The following ITGA8 variants were observed in gnomAD, a reference collection of about 807,000 sequenced individuals.
The protein encoded by ITGA8 is integrin subunit alpha 8.
ITGA8 carries 91 observed loss-of-function variants against 142.3 expected under a neutral mutation model. That is an observed-to-expected ratio of 0.64 (90% CI 0.54 to 0.76). The LOEUF is 0.76. Ranked by LOEUF, ITGA8 falls within the 30% of genes least tolerant of loss-of-function variation. The pLI, the probability that ITGA8 is intolerant of heterozygous loss-of-function variation, is 0.00. For synonymous variants in ITGA8, 505 were observed against 485.2 expected, an observed-to-expected ratio of 1.04 and a Z score of -0.54; for missense variants, 1,406 against 1,327.7, an observed-to-expected ratio of 1.06 and a Z score of -0.92.
rs1173065215 is a variant in ITGA8, at chr10:15,516,469, GA to G, written c.*688del. 45 of 152,188 alleles carry G rather than the reference GA, an allele frequency of 3.0e-4. No homozygotes were observed. The highest frequency in any genetic ancestry group is 1.1e-3 in the African/African-American group (45 of 41,446). 9.4% of individuals were successfully genotyped at this position (152,188 alleles called of 1,614,324 possible). A position where few individuals can be genotyped will look rare whatever the true frequency, so the allele number is the denominator to read the frequency against. The stretch of plus-strand genomic sequence containing the variant: ...GTTATCTGCACACAGTGGTTCTTAG[GA>G]GGAAACTGAGTGAGTGATTTTGAAA... On this transcript the variant is annotated 3_prime_UTR_variant, in exon 30 of 30. Coordinates refer to ENST00000378076, the MANE Select transcript of ITGA8 (RefSeq NM_003638.3).
At chr10:15,565,763 T>C (rs1163813899) in intron 25 of ITGA8, among the ~76,000 whole-genome samples, 4 of 151,744 alleles carry the variant, frequency 2.6e-5, no homozygotes, top group South Asian at 2.1e-4. Flanking sequence ...CTAATTTTTG[T>C]ACTTTTAGCA....
In ITGA8 at chr10:15,514,563, C is replaced by T. The variant is rs1466400772; in HGVS notation, c.*2595G>A. 6.6e-6 allele frequency: 1 copy of T among 152,076 alleles called. No individual in the cohort carries two copies. Among genetic ancestry groups the T allele is most frequent in the African/African-American group, 2.4e-5 (1 of 41,388 alleles). 9.4% of individuals were successfully genotyped at this position (152,076 alleles called of 1,614,324 possible). A position where few individuals can be genotyped will look rare whatever the true frequency, so the allele number is the denominator to read the frequency against. On this transcript the variant is annotated 3_prime_UTR_variant, in exon 30 of 30. Coordinates refer to ENST00000378076, the MANE Select transcript of ITGA8 (RefSeq NM_003638.3). ...GATTACAGGAGACTGCCACCACGCC[C>T]AGCTAATTTTTGTATTTTTAGTAGA...
intron 28 of ITGA8, among the ~76,000 whole-genome samples, chr10:15,523,505 C>G (rs1019745218): frequency 6.6e-6 from 1 of 152,090 alleles, no homozygotes; most frequent in African/African-American, 2.4e-5. Flanking sequence ...GGAAGATGAC[C>G]CCCTGCAGTG....
chr10:15,583,892 T>A (rs757992441), intron 23 of ITGA8, among the ~76,000 whole-genome samples: 1 of 152,210 alleles, frequency 6.6e-6, no homozygotes, highest in African/African-American at 2.4e-5. Context: ...CCATAAACTG[T>A]TGAAAGATAT....
At chr10:15,533,079 C>T (rs1035274762) in intron 27 of ITGA8, among the ~76,000 whole-genome samples, 3 of 152,144 alleles carry the variant, frequency 2.0e-5, no homozygotes, top group African/African-American at 7.2e-5. Flanking sequence ...TAAAAATCTA[C>T]CAGTACATCA....
At chr10:15,639,802 C>T (rs1833838293) in intron 13 of ITGA8, among the ~76,000 whole-genome samples, 1 of 152,184 alleles carries the variant, frequency 6.6e-6, no homozygotes, top group Admixed American at 6.5e-5. Context: ...GGAGGGTGGC[C>T]TGAACATTCG....
chr10:15,669,675 G>A (rs1020120348), intron 8 of ITGA8, among the ~76,000 whole-genome samples: 3 of 152,096 alleles, frequency 2.0e-5, no homozygotes, highest in East Asian at 1.9e-4. Context: ...TGATGGTGAC[G>A]TACAGATGGG....
At position 15,604,371 on chromosome 10, in the gene ITGA8, A is replaced by G. The variant is rs1457071423; in HGVS notation, c.1971-16T>C. 2.5e-6 allele frequency: 4 copies of G among 1,597,378 alleles called. No individual in the cohort carries two copies. In the African/African-American group the frequency reaches 5.4e-5, roughly 22 times the overall value. Reference sequence around the variant, plus strand: ...ATGCTTATCTCTAAAAATGCAGTTTAAAAAGAAGGATTAGGTACTCTACTT... The same window carrying G: ...ATGCTTATCTCTAAAAATGCAGTTTGAAAAGAAGGATTAGGTACTCTACTT... On this transcript the variant is annotated splice_polypyrimidine_tract_variant and intron_variant, in intron 19 of 29. Coordinates refer to ENST00000378076, the MANE Select transcript of ITGA8 (RefSeq NM_003638.3).
intron 27 of ITGA8, among the ~76,000 whole-genome samples, chr10:15,545,077 G>A (rs1167757366): frequency 6.6e-6 from 1 of 152,204 alleles, no homozygotes; most frequent in African/African-American, 2.4e-5. Flanking sequence ...CTGACTCAGA[G>A]TGACAGGATG....
chr10:15,528,748 G>T (rs1408612509), intron 28 of ITGA8, among the ~76,000 whole-genome samples: 3 of 152,226 alleles, frequency 2.0e-5, no homozygotes, highest in Middle Eastern at 3.4e-3. Flanking sequence ...ATAAGCCTTT[G>T]AACATTTTTA....
intron 24 of ITGA8, among the ~76,000 whole-genome samples, chr10:15,573,467 CTG>C (rs1214789641): frequency 1.3e-5 from 2 of 150,580 alleles, no homozygotes; most frequent in Non-Finnish European, 2.9e-5. Flanking sequence ...GCCTTGGTGA[CTG>C]TGTTATCCTT....
intron 4 of ITGA8, among the ~76,000 whole-genome samples, chr10:15,679,996 A>G (rs534142789): frequency 2.0e-5 from 3 of 152,314 alleles, no homozygotes; most frequent in South Asian, 2.1e-4. Context: ...TTTCTTTCTT[A>G]TCAAGGATAT....
intron 20 of ITGA8, among the ~76,000 whole-genome samples, chr10:15,598,680 A>G (rs188318704): frequency 6.6e-6 from 1 of 152,332 alleles, no homozygotes; most frequent in East Asian, 1.9e-4. Flanking sequence ...CTACAATGAA[A>G]CAGACAAGTA....
intron 28 of ITGA8, 31 bp from the exon 29 acceptor site, chr10:15,519,443 A>T (rs984792437): frequency 6.2e-7 from 1 of 1,611,408 alleles, no homozygotes; most frequent in Non-Finnish European, 8.5e-7. Flanking sequence ...AATGAGCTCT[A>T]ATGCGAAAAC....
At chr10:15,644,358 C>G in intron 12 of ITGA8, 137 bp from the exon 13 acceptor site, 1 of 717,686 alleles carries the variant, frequency 1.4e-6, no homozygotes, top group Non-Finnish European at 2.2e-6. Context: ...GCCCCACACT[C>G]CCGGACTCAA....
chr10:15,540,684 G>A (rs918846392), intron 27 of ITGA8, among the ~76,000 whole-genome samples: 2 of 152,210 alleles, frequency 1.3e-5, no homozygotes, highest in African/African-American at 4.8e-5. Context: ...TGAATGGGCT[G>A]GCTGGGCACA....
chr10:15,530,187 G>C (rs1833259465), intron 28 of ITGA8, among the ~76,000 whole-genome samples: 1 of 152,188 alleles, frequency 6.6e-6, no homozygotes, highest in African/African-American at 2.4e-5. Context: ...AGGTTGCAGA[G>C]GATGATCAGA....
intron 25 of ITGA8, among the ~76,000 whole-genome samples, chr10:15,564,527 T>C (rs1388248541): frequency 2.0e-5 from 3 of 152,236 alleles, no homozygotes; most frequent in Admixed American, 6.5e-5. Flanking sequence ...AATAAGGAAA[T>C]AATTGTTGGT....
At chr10:15,554,729 T>A (rs1254535775) in intron 26 of ITGA8, among the ~76,000 whole-genome samples, 1 of 150,316 alleles carries the variant, frequency 6.7e-6, no homozygotes, top group African/African-American at 2.5e-5. Context: ...CTTTCTTTCT[T>A]TCTTTCTTTC....
Sources: gnomAD v4.1 joint callset for allele counts (sites outside exome capture counted in the v4.1 genomes callset) on GRCh38, gnomAD v4.1.1 for gene constraint, MANE v1.5 for transcripts, NCBI Gene and HGNC (gene_info 2026-07-23, HGNC 2026-07-21) for gene names.